The following GPD2 variants were observed in gnomAD, a reference collection of about 807,000 sequenced individuals.
GPD2 encodes the protein glycerol-3-phosphate dehydrogenase 2, also known as glycerol-3-phosphate dehydrogenase, mitochondrial.
GPD2 carries 54 observed loss-of-function variants against 82.4 expected under a neutral mutation model. That is an observed-to-expected ratio of 0.66 (90% CI 0.53 to 0.82). The LOEUF (loss-of-function observed/expected upper bound fraction) is 0.82, where lower values mean the gene tolerates loss of function less well. GPD2 is among the 40% of genes least tolerant of loss of function. The pLI, the probability that GPD2 is intolerant of heterozygous loss-of-function variation, is 0.00. For missense variants in GPD2, 748 were observed against 896.2 expected (o/e 0.83, Z 2.11); for synonymous variants, 288 against 306.1 (o/e 0.94, Z 0.62).
In GPD2 at chr2:156,549,683, A is replaced by G; in HGVS notation, c.737A>G (p.Tyr246Cys). The change falls in exon 7 of 17, where the codon TAC becomes TGC. Residue 246 changes from tyrosine to cysteine, a missense_variant. Coordinates refer to ENST00000438166, the MANE Select transcript of GPD2 (RefSeq NM_000408.5). The stretch of plus-strand genomic sequence containing the variant: ...AGGTATGGGGCTGCCACAGCCAATT[A>G]CATGGAGGTAGTGAGCTTGCTCAAG... ...AARYGAATAN[Y>C]MEVVSLLKKT... 6.2e-7 allele frequency: 1 copy of G among 1,613,854 alleles called. No homozygotes were observed. The highest frequency in any genetic ancestry group is 8.5e-7 in the Non-Finnish European group (1 of 1,179,708).
rs923417435 is a variant in GPD2 at position 156,496,209 on chromosome 2, A to G, written c.268A>G (p.Thr90Ala). ...TGSGCALDAV[T>A]RGLKTALVER... ...AAGTGGCTGTGCGCTAGATGCTGTC[A>G]CCAGAGGTAAGTCTTTTTTTTTTTT... is the stretch of plus-strand genomic sequence containing the variant. Residue 90 changes from threonine (T) to alanine (A), a missense_variant, in exon 3 of 17, where the codon ACC (threonine) becomes GCC (alanine). Thr to Ala is a moderately conservative substitution (Grantham distance 58). Around this residue, in one of 3 missense-constraint regions of GPD2, gnomAD observed 692 missense variants for 809.7 expected, o/e 0.85. Transcript: ENST00000438166. The G allele has an allele frequency of 2.5e-6, 4 of 1,605,352 alleles. No individual in the cohort carries two copies. The highest frequency in any genetic ancestry group is 3.4e-6 in the Non-Finnish European group (4 of 1,172,540).
intron 2 of GPD2, among the ~76,000 whole-genome samples, chr2:156,476,906 T>C (rs1683533779): frequency 6.6e-6 from 1 of 152,238 alleles, no homozygotes; most frequent in Admixed American, 6.5e-5. Context: ...CCATCCCATG[T>C]CATTAGGACA....
At chr2:156,424,286 A>G in the GPD2 span, among the ~76,000 whole-genome samples, 4 of 152,242 alleles carry the variant, frequency 2.6e-5, no homozygotes, top group Non-Finnish European at 5.9e-5. Flanking sequence ...TATTACATGC[A>G]ATAGTAATGT....
At chr2:156,457,014 G>A (rs1682810599) in intron 1 of GPD2, among the ~76,000 whole-genome samples, 3 of 152,128 alleles carry the variant, frequency 2.0e-5, no homozygotes, top group Admixed American at 2.0e-4. Context: ...TTCATATTTT[G>A]AGATTAGGGT....
chr2:156,530,764 C>G (rs907041374), intron 6 of GPD2, among the ~76,000 whole-genome samples: 2 of 152,178 alleles, frequency 1.3e-5, no homozygotes, highest in Admixed American at 1.3e-4. Context: ...ACCAGCCTTG[C>G]ATCCCAGGGA....
At chr2:156,470,810 T>G (rs1247055097) in intron 1 of GPD2, among the ~76,000 whole-genome samples, 1 of 152,246 alleles carries the variant, frequency 6.6e-6, no homozygotes, top group African/African-American at 2.4e-5. Flanking sequence ...GCCAGATAAG[T>G]TGCAGCAGTC....
intron 3 of GPD2, among the ~76,000 whole-genome samples, chr2:156,506,345 GA>G (rs1684786089): frequency 6.6e-6 from 1 of 152,090 alleles, no homozygotes; most frequent in Non-Finnish European, 1.5e-5. Flanking sequence ...TTTGACACTA[GA>G]AATAATGGGA....
intron 6 of GPD2, among the ~76,000 whole-genome samples, chr2:156,548,632 A>G (rs1473334482): frequency 1.3e-5 from 2 of 152,216 alleles, no homozygotes; most frequent in Non-Finnish European, 2.9e-5. Context: ...GAAACTTTGC[A>G]TAAACCATTT....
At chr2:156,483,293 A>G (rs896256391) in intron 2 of GPD2, among the ~76,000 whole-genome samples, 2 of 152,198 alleles carry the variant, frequency 1.3e-5, no homozygotes, top group African/African-American at 4.8e-5. Flanking sequence ...TAGCGTGTGT[A>G]GGTTATAAAA....
intron 6 of GPD2, among the ~76,000 whole-genome samples, chr2:156,544,881 A>G (rs1258015002): frequency 2.0e-5 from 3 of 152,154 alleles, no homozygotes; most frequent in Non-Finnish European, 4.4e-5. Context: ...TTTAAGATAC[A>G]TTCTCCCTAA....
intron 1 of GPD2, 102 bp downstream of exon 1, chr2:156,436,615 G>T (rs1324630827): frequency 6.6e-6 from 1 of 152,278 alleles, no homozygotes; most frequent in African/African-American, 2.4e-5. Context: ...CAGTCTTGGC[G>T]GTAGGTGGTG....
chr2:156,525,934 A>T lies in GPD2; in HGVS notation c.661+12438A>T, dbSNP rs181999201. On this transcript the variant is annotated intron_variant, in intron 6 of 16. Coordinates refer to ENST00000438166, the MANE Select transcript of GPD2 (RefSeq NM_000408.5). ...TCCTTCTTTAAAATTAACTTAAAAA[A>T]TTTTTTTAGGATTTTGGTATGTTCT... Among the ~76,000 whole-genome samples, 432 of 152,210 alleles carry T rather than the reference A, an allele frequency of 2.8e-3. 1 individual carries two copies. The highest frequency in any genetic ancestry group is 9.8e-3 in the African/African-American group (407 of 41,550).
intron 3 of GPD2, among the ~76,000 whole-genome samples, chr2:156,510,315 C>T (rs1049247056): frequency 1.3e-5 from 2 of 152,126 alleles, no homozygotes; most frequent in African/African-American, 2.4e-5. Flanking sequence ...ATGCATTTCT[C>T]AACAGAAGTC....
At chr2:156,574,121 CCAAAA>C (rs1687733699) in intron 13 of GPD2, among the ~76,000 whole-genome samples, 1 of 151,980 alleles carries the variant, frequency 6.6e-6, no homozygotes, top group Non-Finnish European at 1.5e-5. Flanking sequence ...TCACTCAAGA[CCAAAA>C]TCCAACCAAC....
intron 6 of GPD2, among the ~76,000 whole-genome samples, chr2:156,519,680 T>C (rs897782403): frequency 2.0e-5 from 3 of 151,958 alleles, no homozygotes; most frequent in Admixed American, 1.3e-4. Flanking sequence ...TAAAACCTAG[T>C]GAGATAGGAG....
the GPD2 span, among the ~76,000 whole-genome samples, chr2:156,419,006 G>A: frequency 6.7e-5 from 10 of 149,078 alleles, no homozygotes; most frequent in South Asian, 1.9e-3. Flanking sequence ...CTTCAGTTCA[G>A]CATGTCAACT....
At chr2:156,456,437 C>G (rs1682791689) in intron 1 of GPD2, among the ~76,000 whole-genome samples, 2 of 151,888 alleles carry the variant, frequency 1.3e-5, no homozygotes, top group South Asian at 4.2e-4. Flanking sequence ...AACCTTGTCT[C>G]TACAAAAATA....
chr2:156,534,524 C>A (rs1685989820), intron 6 of GPD2, among the ~76,000 whole-genome samples: 1 of 152,170 alleles, frequency 6.6e-6, no homozygotes, highest in African/African-American at 2.4e-5. Flanking sequence ...TATCAATACT[C>A]TGTAAGATTT....
At chr2:156,477,371 G>A (rs1030635993) in intron 2 of GPD2, among the ~76,000 whole-genome samples, 1 of 152,186 alleles carries the variant, frequency 6.6e-6, no homozygotes, top group East Asian at 1.9e-4. Context: ...GGTGGAGGCT[G>A]TAGTGAGCTG....
Sources: gnomAD v4.1 joint callset for allele counts (sites outside exome capture counted in the v4.1 genomes callset) on GRCh38, gnomAD v4.1.1 for gene constraint, gnomAD v4.1.1 regional missense constraint, MANE v1.5 for transcripts, NCBI Gene and HGNC (gene_info 2026-07-23, HGNC 2026-07-21) for gene names.